The following GRIN2B variants were observed in gnomAD, a reference collection of about 807,000 sequenced individuals.
GRIN2B encodes glutamate ionotropic receptor NMDA type subunit 2B, also known as glutamate receptor ionotropic, NMDA 2B.
In GRIN2B, 5 loss-of-function variants were observed where a neutral mutation model predicts 114.5. The ratio of observed to expected loss-of-function variants is 0.04; its 90% confidence interval spans 0.02 to 0.09. The LOEUF (loss-of-function observed/expected upper bound fraction) is 0.09, where lower values mean the gene tolerates loss of function less well. GRIN2B is among the 10% of genes least tolerant of loss of function. The pLI is 1.00. For missense variants in GRIN2B, 1,108 were observed against 1,943.5 expected, an observed-to-expected ratio of 0.57 and a Z score of 8.08; for synonymous variants, 787 against 745.1, an observed-to-expected ratio of 1.06 and a Z score of -0.92.
chr12:13,721,883 C>T (rs1352616372), intron 4 of GRIN2B, among the ~76,000 whole-genome samples: 6 of 152,102 alleles, frequency 3.9e-5, no homozygotes, highest in Non-Finnish European at 7.4e-5. Context: ...TAGAAAAGAA[C>T]AGAGATAGCA....
intron 2 of GRIN2B, among the ~76,000 whole-genome samples, chr12:13,896,539 T>A (rs561571991): frequency 4.6e-5 from 7 of 152,318 alleles, no homozygotes; most frequent in African/African-American, 1.7e-4. Context: ...GTTTGAAACA[T>A]GTCTCCAAAA....
chr12:13,697,814 A>C lies in GRIN2B; in HGVS notation c.1011-21955T>G, dbSNP rs184708703. Among the ~76,000 whole-genome samples, 52 of 152,250 alleles carry C rather than the reference A, an allele frequency of 3.4e-4. No homozygotes were observed. In the South Asian group the frequency reaches 4.8e-3, roughly 14 times the overall value. ...TCACTGTATAAAACACACACACACA[A>C]AAACAGTTAACCTGCACCAACACTA... On this transcript the variant is annotated intron_variant, in intron 4 of 13. Transcript: ENST00000609686.
chr12:13,961,171 A>C (rs750863024), intron 2 of GRIN2B, among the ~76,000 whole-genome samples: 3 of 152,028 alleles, frequency 2.0e-5, no homozygotes, highest in Non-Finnish European at 4.4e-5. Context: ...AGTACTGGAG[A>C]AGCTGAATTC....
intron 2 of GRIN2B, among the ~76,000 whole-genome samples, chr12:13,943,030 G>T (rs1867288947): frequency 6.6e-6 from 1 of 152,068 alleles, no homozygotes; most frequent in Non-Finnish European, 1.5e-5. Flanking sequence ...GTGGTATGGG[G>T]TGGGGGTGGA....
intron 5 of GRIN2B, among the ~76,000 whole-genome samples, chr12:13,637,075 T>G (rs2216217): frequency 0.12 from 17,660 of 152,118 alleles, 1,676 homozygotes; most frequent in African/African-American, 0.25. Context: ...AATGAGTAGG[T>G]GGGCATAAGA....
At chr12:13,900,696 T>C (rs541911128) in intron 2 of GRIN2B, among the ~76,000 whole-genome samples, 12 of 152,266 alleles carry the variant, frequency 7.9e-5, no homozygotes, top group African/African-American at 2.9e-4. Flanking sequence ...CTTTTCTTTG[T>C]AATTTTCACA....
intron 9 of GRIN2B, 62 bp from the exon 10 acceptor site, chr12:13,608,894 A>G: frequency 1.7e-6 from 2 of 1,183,998 alleles, no homozygotes; most frequent in Non-Finnish European, 2.5e-6. Flanking sequence ...GTTGAAACCT[A>G]CAAATACACA....
intron 2 of GRIN2B, among the ~76,000 whole-genome samples, chr12:13,934,243 C>T (rs1867088923): frequency 6.6e-6 from 1 of 152,170 alleles, no homozygotes; most frequent in Non-Finnish European, 1.5e-5. Flanking sequence ...ATCTCTCCAG[C>T]CAACTGTTTC....
At chr12:13,889,916 G>A (rs1297948361) in intron 2 of GRIN2B, among the ~76,000 whole-genome samples, 1 of 152,198 alleles carries the variant, frequency 6.6e-6, no homozygotes, top group Admixed American at 6.5e-5. Flanking sequence ...TCATTCTCCA[G>A]CCTTGCTGCT....
intron 3 of GRIN2B, among the ~76,000 whole-genome samples, chr12:13,864,037 G>C (rs1050443322): frequency 6.6e-6 from 1 of 152,112 alleles, no homozygotes; most frequent in Non-Finnish European, 1.5e-5. Flanking sequence ...ACAACTCAAC[G>C]GGTTCTGCCA....
At chr12:13,936,983 C>A (rs2136830508) in intron 2 of GRIN2B, among the ~76,000 whole-genome samples, 1 of 150,624 alleles carries the variant, frequency 6.6e-6, no homozygotes, top group African/African-American at 2.4e-5. Context: ...TTAATAATAT[C>A]ATTGATCTAT....
At chr12:13,587,851 T>G (rs1238753191) in intron 10 of GRIN2B, among the ~76,000 whole-genome samples, 1 of 152,218 alleles carries the variant, frequency 6.6e-6, no homozygotes, top group Non-Finnish European at 1.5e-5. Flanking sequence ...TGGGGAAATA[T>G]TCTCGATGAG....
chr12:13,917,366 C>T (rs554213720), intron 2 of GRIN2B, among the ~76,000 whole-genome samples: 47 of 152,292 alleles, frequency 3.1e-4, no homozygotes, highest in Non-Finnish European at 5.6e-4. Flanking sequence ...ACTATCCATA[C>T]GATGGTGACG....
Position 13,835,116 on chromosome 12 carries a change from T to C in GRIN2B, c.411+30682A>G, listed in dbSNP as rs1346294728. ...CTTTCCCCATTTTTATAACAGACTG[T>C]AATTCAACTGGCTCAAAGAGCTATC... On this transcript the variant is annotated intron_variant, in intron 3 of 13. Coordinates refer to ENST00000609686, the MANE Select transcript of GRIN2B (RefSeq NM_000834.5). Among the ~76,000 whole-genome samples, 3 of 152,192 alleles carry C rather than the reference T, an allele frequency of 2.0e-5. No individual in the cohort carries two copies. The East Asian group carries it at 5.8e-4, about 29-fold the overall frequency.
intron 2 of GRIN2B, among the ~76,000 whole-genome samples, chr12:13,923,088 C>T (rs1360086922): frequency 6.6e-6 from 1 of 151,450 alleles, no homozygotes; most frequent in Non-Finnish European, 1.5e-5. Flanking sequence ...TAATATACTT[C>T]TTTTTTTTTC....
chr12:13,758,745 T>C (rs1863623561), intron 3 of GRIN2B, among the ~76,000 whole-genome samples: 1 of 152,208 alleles, frequency 6.6e-6, no homozygotes, highest in Admixed American at 6.5e-5. Flanking sequence ...CCTGGTCAAC[T>C]TACTTCTATC....
At chr12:13,946,386 C>T (rs1010099621) in intron 2 of GRIN2B, among the ~76,000 whole-genome samples, 2 of 151,996 alleles carry the variant, frequency 1.3e-5, no homozygotes, top group Non-Finnish European at 2.9e-5. Context: ...TAAGATTAAC[C>T]CTTTTTTTAA....
intron 2 of GRIN2B, among the ~76,000 whole-genome samples, chr12:13,944,566 G>A (rs1867329237): frequency 6.6e-6 from 1 of 152,164 alleles, no homozygotes; most frequent in Non-Finnish European, 1.5e-5. Flanking sequence ...CAGTTATTCA[G>A]CATCTTTGTA....
rs1007672439 is a variant in GRIN2B, at chr12:13,609,085, A to G, written c.1781-253T>C. ...GTGTAGGATGGTCTTTCTTGAACTA[A>G]CAGTCATGACTCCCCTCTGGAGGAG... On this transcript the variant is annotated intron_variant, in intron 9 of 13. Transcript: ENST00000609686. Among the ~76,000 whole-genome samples, 11 of 152,136 alleles carry G rather than the reference A, an allele frequency of 7.2e-5. 1 individual carries two copies. Among genetic ancestry groups the G allele is most frequent in the African/African-American group, 2.4e-4 (10 of 41,426 alleles).
Sources: allele counts gnomAD v4.1 joint callset (sites outside exome capture counted in the v4.1 genomes callset), GRCh38; gene constraint gnomAD v4.1.1; transcripts MANE v1.5; gene names NCBI Gene and HGNC (gene_info 2026-07-23, HGNC 2026-07-21).